PREX1: variants seen among roughly 807,000 people sequenced by gnomAD.
PREX1 encodes the protein phosphatidylinositol 3,4,5-trisphosphate-dependent Rac exchanger 1 protein.
PREX1 carries 41 observed loss-of-function variants against 198.3 expected under a neutral mutation model. The observed-to-expected ratio is 0.21, with a 90% CI of 0.16 to 0.27. PREX1 has a LOEUF of 0.27. PREX1 is among the 10% of genes least tolerant of loss of function. PREX1 has a pLI of 1.00. For missense variants in PREX1, 1,620 were observed against 2,200.7 expected (o/e 0.74, Z 5.28); for synonymous variants, 843 against 887.2 (o/e 0.95, Z 0.89).
intron 4 of PREX1, among the ~76,000 whole-genome samples, chr20:48,732,985 C>A (rs2090041317): frequency 6.6e-6 from 1 of 152,220 alleles, no homozygotes; most frequent in Non-Finnish European, 1.5e-5. Flanking sequence ...CAGCCCCAGA[C>A]TGTCTGCACC....
the PREX1 span, among the ~76,000 whole-genome samples, chr20:48,836,986 C>A: frequency 6.6e-6 from 1 of 151,478 alleles, no homozygotes; most frequent in Non-Finnish European, 1.5e-5. Context: ...TTACAGACCC[C>A]AAACTGCTAG....
intron 4 of PREX1, among the ~76,000 whole-genome samples, chr20:48,729,007 T>C (rs1389004986): frequency 6.6e-6 from 1 of 152,096 alleles, no homozygotes; most frequent in Non-Finnish European, 1.5e-5. Flanking sequence ...TGGCAGCACG[T>C]TCCTGGACTA....
chr20:48,682,671 G>A (rs1010946825), intron 10 of PREX1, among the ~76,000 whole-genome samples: 12 of 152,206 alleles, frequency 7.9e-5, no homozygotes, highest in Non-Finnish European at 1.3e-4. Flanking sequence ...CAGCTCCCAC[G>A]TGACTGCCCG....
At chr20:48,655,478 G>A (rs1467200357) in intron 18 of PREX1, 103 bp from the exon 19 acceptor site, 3 of 1,042,512 alleles carry the variant, frequency 2.9e-6, no homozygotes, top group South Asian at 1.8e-5. Flanking sequence ...TGGAAACACT[G>A]GGAAAATTCA....
At chr20:48,646,860 ACT>A (rs148854895) in intron 25 of PREX1, among the ~76,000 whole-genome samples, 1,665 of 152,196 alleles carry the variant, frequency 0.011, 25 homozygotes, top group African/African-American at 0.037. Flanking sequence ...AATTATTTAA[ACT>A]CTCGGAGACT....
At chr20:48,799,545 T>G (rs1201758580) in intron 1 of PREX1, among the ~76,000 whole-genome samples, 1 of 152,160 alleles carries the variant, frequency 6.6e-6, no homozygotes, top group Non-Finnish European at 1.5e-5. Context: ...GGTTCAAACT[T>G]AAGTATTTCA....
At chr20:48,779,208 G>A (rs1009655216) in intron 1 of PREX1, among the ~76,000 whole-genome samples, 1 of 152,150 alleles carries the variant, frequency 6.6e-6, no homozygotes, top group Non-Finnish European at 1.5e-5. Flanking sequence ...CTTCACCCAA[G>A]AAGTATATAA....
At chr20:48,717,165 AC>A in intron 5 of PREX1, among the ~76,000 whole-genome samples, 1 of 152,254 alleles carries the variant, frequency 6.6e-6, no homozygotes, top group African/African-American at 2.4e-5. Flanking sequence ...GATAATACCC[AC>A]CATTCTCTGT....
chr20:48,717,131 G>A (rs948211296), intron 5 of PREX1, among the ~76,000 whole-genome samples: 1 of 152,166 alleles, frequency 6.6e-6, no homozygotes, highest in Non-Finnish European at 1.5e-5. Flanking sequence ...TGAAAACAAA[G>A]CTGCAATTGT....
intron 1 of PREX1, among the ~76,000 whole-genome samples, chr20:48,806,837 A>AG (rs1201746494): frequency 1.3e-5 from 2 of 152,220 alleles, no homozygotes; most frequent in African/African-American, 4.8e-5. Context: ...CTCCAACAGC[A>AG]GGCAGAAGGT....
rs575253509 is a variant in PREX1 at position 48,678,170 on chromosome 20, C to A, written c.1589+1190G>T. Among the ~76,000 whole-genome samples the A allele has an allele frequency of 1.6e-3, 244 of 152,134 alleles. 1 individual carries two copies. Among genetic ancestry groups the A allele is most frequent in the Admixed American group, 8.2e-3 (126 of 15,282 alleles). On this transcript the variant is annotated intron_variant, in intron 13 of 39. Coordinates refer to ENST00000371941, the MANE Select transcript of PREX1 (RefSeq NM_020820.4). Reference sequence around the variant, plus strand: ...TTCTACTAAAAATACAAAAATTAGCCGGGCCTGGTGGTAGGCACCTGTAAT... The same window carrying A: ...TTCTACTAAAAATACAAAAATTAGCAGGGCCTGGTGGTAGGCACCTGTAAT...
chr20:48,828,058 G>A (rs952076550), upstream of PREX1, among the ~76,000 whole-genome samples: 5 of 146,810 alleles, frequency 3.4e-5, no homozygotes, highest in African/African-American at 1.2e-4. Context: ...GCGAGGGGCG[G>A]GAGGGGGCGG....
At chr20:48,737,949 A>C (rs1337499346) in intron 3 of PREX1, among the ~76,000 whole-genome samples, 1 of 152,330 alleles carries the variant, frequency 6.6e-6, no homozygotes, top group East Asian at 1.9e-4. Context: ...ATGCATCAGT[A>C]AAGTCCTGTA....
At chr20:48,785,948 AGCCGGGATGGATGG>A (rs1204254931) in intron 1 of PREX1, among the ~76,000 whole-genome samples, 1 of 152,096 alleles carries the variant, frequency 6.6e-6, no homozygotes, top group African/African-American at 2.4e-5. Context: ...GGGCAGAAAG[AGCCGGGATGGATGG>A]GCCGGTGCCT....
At position 48,651,418 on chromosome 20, in the gene PREX1, C is replaced by T; in HGVS notation, c.2633G>A (p.Gly878Asp). ...GACCTTGGCGGTGAGGCCGAAGCAG[C>T]CGCGGGGCTCCACGATCTTCTCCAG... ...HVLEKIVEPR[G>D]CFGLTAKILE... Residue 878 changes from glycine (G) to aspartate (D), a missense_variant, in exon 22 of 40, where the codon GGC becomes GAC. By Grantham distance (94) the Gly-to-Asp change is moderately conservative (BLOSUM62 -1). Transcript: ENST00000371941. 1.2e-6 allele frequency: 2 copies of T among 1,609,402 alleles called. No homozygotes were observed. The highest frequency in any genetic ancestry group is 1.7e-6 in the Non-Finnish European group (2 of 1,176,858).
chr20:48,833,552 C>T, the PREX1 span, among the ~76,000 whole-genome samples: 5 of 151,516 alleles, frequency 3.3e-5, no homozygotes, highest in African/African-American at 1.2e-4. Flanking sequence ...AGTGATTCTC[C>T]TGCCTCAGCC....
chr20:48,650,878 G>A lies in PREX1; in HGVS notation c.2817+16C>T, dbSNP rs375211737. On this transcript the variant is annotated intron_variant, in intron 23 of 39. Coordinates refer to ENST00000371941, the MANE Select transcript of PREX1 (RefSeq NM_020820.4). ...TGGGACCTGTGGCAGAGACCCCGGA[G>A]GGAGCACGCAGGCACCTCCTGGTAG... The A allele has an allele frequency of 1.9e-6, 3 of 1,613,688 alleles. No individual in the cohort carries two copies. Among genetic ancestry groups the A allele is most frequent in the Non-Finnish European group, 2.5e-6 (3 of 1,179,844 alleles).
chr20:48,641,854 GGAAGGA>G lies in PREX1; in HGVS notation c.3775+308_3775+313del, dbSNP rs2089414816. On this transcript the variant is annotated intron_variant, in intron 29 of 39. Transcript: ENST00000371941. ...AGAGAGAGAGAGAGGAAGGAAGGAA[GGAAGGA>G]AGGAAGGAAGGAAGGAAGGAAGGAA... 6.3e-3 allele frequency among the ~76,000 whole-genome samples: 359 copies of G among 57,412 alleles called. 1 individual carries two copies. The highest frequency in any genetic ancestry group is 0.018 in the African/African-American group (336 of 19,036). The allele number at this position is 57,412 out of a possible 152,430, so 37.7% of individuals were successfully genotyped here. A position where few individuals can be genotyped will look rare whatever the true frequency, so the allele number is the denominator to read the frequency against.
chr20:48,839,014 A>T, the PREX1 span, among the ~76,000 whole-genome samples: 1 of 151,412 alleles, frequency 6.6e-6, no homozygotes, highest in African/African-American at 2.4e-5. Flanking sequence ...AAAAAAAAAA[A>T]AAAAAAGCAA....
Sources: allele counts gnomAD v4.1 joint callset (sites outside exome capture counted in the v4.1 genomes callset), GRCh38; gene constraint gnomAD v4.1.1; transcripts MANE v1.5; gene names NCBI Gene and HGNC (gene_info 2026-07-23, HGNC 2026-07-21).